PARD3B: variants seen among roughly 807,000 people sequenced by gnomAD.
PARD3B encodes the protein par-3 family cell polarity regulator beta, also known as partitioning defective 3 homolog B.
Under a neutral mutation model 130.2 loss-of-function variants are expected in PARD3B, and 103 were observed. The observed-to-expected ratio is 0.79, with a 90% CI of 0.67 to 0.93. PARD3B has a LOEUF of 0.93. Ranked by LOEUF, PARD3B falls within the 40% of genes least tolerant of loss-of-function variation. The pLI is 0.00. For missense variants in PARD3B, 1,609 were observed against 1,499.2 expected (o/e 1.07, Z -1.21); for synonymous variants, 583 against 553.2 (o/e 1.05, Z -0.76).
intron 20 of PARD3B, among the ~76,000 whole-genome samples, chr2:205,488,046 A>T (rs2049515338): frequency 6.6e-6 from 1 of 152,136 alleles, no homozygotes; most frequent in Admixed American, 6.6e-5. Flanking sequence ...TTTAATCAAT[A>T]TTTTGCTAAT....
chr2:205,486,083 A>G (rs1451072617), intron 20 of PARD3B, among the ~76,000 whole-genome samples: 1 of 152,232 alleles, frequency 6.6e-6, no homozygotes, highest in African/African-American at 2.4e-5. Flanking sequence ...TAAAGCTTAA[A>G]TAAATGTACA....
chr2:204,798,563 G>A (rs1385466298), intron 2 of PARD3B, among the ~76,000 whole-genome samples: 3 of 152,170 alleles, frequency 2.0e-5, no homozygotes, highest in African/African-American at 4.8e-5. Flanking sequence ...GAGGAACAGC[G>A]AAGGGAGCGC....
intron 11 of PARD3B, among the ~76,000 whole-genome samples, chr2:205,164,881 C>A (rs949331455): frequency 1.3e-5 from 2 of 149,236 alleles, no homozygotes; most frequent in Non-Finnish European, 3.0e-5. Context: ...TGGACACAAA[C>A]CAGAATGCTC....
In PARD3B at chr2:205,036,263, CTA is replaced by C. The variant is rs1327379067; in HGVS notation, c.395-11309_395-11308del. ...TATATAAATATATGTATATAGTGGGCTATATATATAAATATATGTATATAGTG... is the reference window on the plus strand; with the variant it reads ...TATATAAATATATGTATATAGTGGGCTATATATAAATATATGTATATAGTG... On this transcript the variant is annotated intron_variant, in intron 3 of 22. Coordinates refer to ENST00000406610, the MANE Select transcript of PARD3B (RefSeq NM_001302769.2). Among the ~76,000 whole-genome samples, 5 of 134,256 alleles carry C rather than the reference CTA, an allele frequency of 3.7e-5. 1 individual carries two copies. The East Asian group carries it at 8.5e-4, about 23-fold the overall frequency. 88.1% of individuals were successfully genotyped at this position (134,256 alleles called of 152,430 possible). A position where few individuals can be genotyped will look rare whatever the true frequency, so the allele number is the denominator to read the frequency against.
intron 15 of PARD3B, among the ~76,000 whole-genome samples, chr2:205,242,594 A>AAAAGTACCT (rs1205082074): frequency 2.0e-5 from 3 of 152,148 alleles, no homozygotes; most frequent in African/African-American, 7.2e-5. Flanking sequence ...ATAACAATGT[A>AAAAGTACCT]AAAGTACCTA....
At chr2:205,257,402 T>C (rs947839789) in intron 16 of PARD3B, among the ~76,000 whole-genome samples, 6 of 152,084 alleles carry the variant, frequency 3.9e-5, no homozygotes, top group African/African-American at 1.2e-4. Flanking sequence ...GTTTTAGTTT[T>C]GTAAAATATC....
intron 3 of PARD3B, among the ~76,000 whole-genome samples, chr2:205,018,987 A>C (rs1696384052): frequency 6.6e-6 from 1 of 152,126 alleles, no homozygotes; most frequent in Non-Finnish European, 1.5e-5. Context: ...ATTGATGTAT[A>C]ATTCATAACA....
At chr2:204,548,478 A>G (rs2030186111) in intron 1 of PARD3B, among the ~76,000 whole-genome samples, 1 of 152,206 alleles carries the variant, frequency 6.6e-6, no homozygotes. Flanking sequence ...GAGACATGAC[A>G]AGTAAGTCGT....
intron 2 of PARD3B, among the ~76,000 whole-genome samples, chr2:204,915,849 G>A (rs532529687): frequency 3.3e-5 from 5 of 152,208 alleles, no homozygotes; most frequent in South Asian, 2.1e-4. Flanking sequence ...AGTGTCTTTC[G>A]TAATTGCTTG....
chr2:205,243,329 AGTACCT>A (rs1316851911), intron 15 of PARD3B, among the ~76,000 whole-genome samples: 1 of 152,194 alleles, frequency 6.6e-6, no homozygotes, highest in African/African-American at 2.4e-5. Context: ...TTGTCTTCTA[AGTACCT>A]TGCATATATT....
rs945440941 is a variant in PARD3B at position 205,589,098 on chromosome 2, G to A, written c.3261-26358G>A. ...AATCCAGGAGTTTCAGACCAGTCTGGGTAACATGGCAAAACCCCATTTCTA... is the reference window on the plus strand; with the variant it reads ...AATCCAGGAGTTTCAGACCAGTCTGAGTAACATGGCAAAACCCCATTTCTA... On this transcript the variant is annotated intron_variant, in intron 22 of 22. Coordinates refer to ENST00000406610, the MANE Select transcript of PARD3B (RefSeq NM_001302769.2). This position sits in a 1 kb window ranked among gnomAD's most constrained non-coding sequence, Gnocchi z 4.1. 1.3e-5 allele frequency among the ~76,000 whole-genome samples: 2 copies of A among 152,102 alleles called. No individual in the cohort carries two copies. Among genetic ancestry groups the A allele is most frequent in the South Asian group, 2.1e-4 (1 of 4,824 alleles).
chr2:205,354,457 A>T lies in PARD3B; in HGVS notation c.2631-46556A>T, dbSNP rs547068169. 1.9e-3 allele frequency among the ~76,000 whole-genome samples: 197 copies of T among 101,448 alleles called. 1 individual carries two copies. The highest frequency in any genetic ancestry group is 5.0e-3 in the Middle Eastern group (1 of 202). 66.6% of individuals were successfully genotyped at this position (101,448 alleles called of 152,430 possible). A position where few individuals can be genotyped will look rare whatever the true frequency, so the allele number is the denominator to read the frequency against. On this transcript the variant is annotated intron_variant, in intron 18 of 22. Transcript: ENST00000406610. ...GCATATACCCTAAAACTTAAAGTAT[A>T]ATAAAAAAAATGAAAAAAAGTAAAA...
intron 21 of PARD3B, among the ~76,000 whole-genome samples, chr2:205,503,797 T>C (rs940267976): frequency 6.6e-6 from 1 of 152,146 alleles, no homozygotes; most frequent in Non-Finnish European, 1.5e-5. Context: ...TGATTCTTCC[T>C]ACCCATGAGC....
rs149430162 is a variant in PARD3B at position 205,230,661 on chromosome 2, C to A, written c.2141-15117C>A. ...CGGCTGTCTCACTAGGTTATTACCC[C>A]CCAAGTCCACTTACTCCAAGCCCAG... On this transcript the variant is annotated intron_variant, in intron 15 of 22. Transcript: ENST00000406610. The surrounding 1 kb of genome is among the most constrained non-coding windows in gnomAD (Gnocchi z 4.1). 5.3e-5 allele frequency among the ~76,000 whole-genome samples: 8 copies of A among 152,162 alleles called. No individual in the cohort carries two copies. The highest frequency in any genetic ancestry group is 4.1e-4 in the South Asian group (2 of 4,822).
At chr2:204,779,467 A>G (rs891203749) in intron 2 of PARD3B, among the ~76,000 whole-genome samples, 1 of 152,208 alleles carries the variant, frequency 6.6e-6, no homozygotes, top group Admixed American at 6.6e-5. Flanking sequence ...AACAGATGAC[A>G]TAATGGCAAG....
At chr2:204,626,271 A>G (rs1307342915) in intron 1 of PARD3B, among the ~76,000 whole-genome samples, 2 of 152,088 alleles carry the variant, frequency 1.3e-5, no homozygotes, top group East Asian at 3.9e-4. Flanking sequence ...TCTGTGTGGT[A>G]CTCTTTTCCC....
At chr2:204,589,079 C>T in intron 1 of PARD3B, among the ~76,000 whole-genome samples, 1 of 152,096 alleles carries the variant, frequency 6.6e-6, no homozygotes, top group Admixed American at 6.6e-5. Flanking sequence ...AAGGGACACC[C>T]ACGGAAGGTA....
At chr2:204,843,748 T>A (rs1199012583) in intron 2 of PARD3B, among the ~76,000 whole-genome samples, 1 of 152,168 alleles carries the variant, frequency 6.6e-6, no homozygotes, top group Non-Finnish European at 1.5e-5. Flanking sequence ...ATTTCTGCCT[T>A]TGTCTGTTTA....
At chr2:205,114,871 A>G (rs373154429) in intron 6 of PARD3B, among the ~76,000 whole-genome samples, 5 of 152,006 alleles carry the variant, frequency 3.3e-5, no homozygotes, top group African/African-American at 1.2e-4. Context: ...GTGTGTGTTA[A>G]TAAGTGTGTT....
Sources: allele counts gnomAD v4.1 joint callset (sites outside exome capture counted in the v4.1 genomes callset), GRCh38; gene constraint gnomAD v4.1.1; non-coding constraint Gnocchi (gnomAD v3.1); transcripts MANE v1.5; gene names NCBI Gene and HGNC (gene_info 2026-07-23, HGNC 2026-07-21).